Variants in TKT observed in about 807,000 individuals in gnomAD.
TKT encodes the protein transketolase, also known as epididymis luminal protein 107.
Under a neutral mutation model 63.9 loss-of-function variants are expected in TKT, and 47 were observed. The ratio of observed to expected loss-of-function variants is 0.74; its 90% confidence interval spans 0.58 to 0.94. The LOEUF is 0.94. TKT is among the 40% of genes least tolerant of loss of function. The pLI is 0.00. For synonymous variants in TKT, 338 were observed against 334.1 expected (o/e 1.01, Z -0.13); for missense variants, 721 against 846.2 (o/e 0.85, Z 1.84).
chr3:53,250,414 C>T (rs185314816), intron 1 of TKT, among the ~76,000 whole-genome samples: 29 of 152,250 alleles, frequency 1.9e-4, no homozygotes, highest in African/African-American at 6.5e-4. Context: ...GGTGGGACCC[C>T]GGAGCCCACT....
At chr3:53,229,561 A>C in intron 8 of TKT, 125 bp from the exon 9 acceptor site, 1 of 1,103,146 alleles carries the variant, frequency 9.1e-7, no homozygotes, top group Non-Finnish European at 1.3e-6. Flanking sequence ...TGGGCTTCTG[A>C]ATATGTCCCC....
chr3:53,231,669 T>TCCCAGACAGGCAGAG, intron 6 of TKT, 119 bp from the exon 7 acceptor site: 1 of 1,121,780 alleles, frequency 8.9e-7, no homozygotes, highest in Non-Finnish European at 1.3e-6. Flanking sequence ...AATGGCATCA[T>TCCCAGACAGGCAGAG]CCCAGACAGG....
intron 10 of TKT, chr3:53,228,579 T>C (rs1704604838): frequency 5.3e-6 from 3 of 562,140 alleles, no homozygotes; most frequent in Admixed American, 6.1e-5. Context: ...CGAAGGCAAC[T>C]TTCCACCAGG....
intron 1 of TKT, among the ~76,000 whole-genome samples, chr3:53,246,752 G>T (rs1314237393): frequency 2.6e-5 from 4 of 151,944 alleles, no homozygotes; most frequent in African/African-American, 7.3e-5. Context: ...TCGGGAGGCT[G>T]AGACAGGAGA....
Position 53,234,993 on chromosome 3 carries a change from CG to C in TKT, c.618del (p.Cys206TrpfsTer46), listed in dbSNP as rs1347665529. 3 of 1,612,684 alleles carry C rather than the reference CG, an allele frequency of 1.9e-6. No homozygotes were observed. The highest frequency in any genetic ancestry group is 2.5e-6 in the Non-Finnish European group (3 of 1,179,342). On this transcript the variant is annotated frameshift_variant, in exon 5 of 14. Coordinates refer to ENST00000462138, the MANE Select transcript of TKT (RefSeq NM_001064.4). LOFTEE classifies it high-confidence loss of function. The stretch of plus-strand genomic sequence containing the variant: ...CAGCCTCGTACATACCCGAAGGCCT[CG>C]CACCGCTTCTGGTAGATGTCCATCT... ...QHQMDIYQKR[C>X]EAFGWHAIIV...
At chr3:53,255,789 C>CCCCCG in intron 1 of TKT, 47 bp downstream of exon 1, 1 of 1,325,020 alleles carries the variant, frequency 7.5e-7, no homozygotes, top group Non-Finnish European at 9.9e-7. Flanking sequence ...CCGCAGACGC[C>CCCCCG]CCCCGCCCCG....
chr3:53,244,407 GACACAGTGAGATA>G (rs1214187280), intron 1 of TKT, among the ~76,000 whole-genome samples: 1 of 152,138 alleles, frequency 6.6e-6, no homozygotes, highest in Non-Finnish European at 1.5e-5. Context: ...GTGTCTGGGA[GACACAGTGAGATA>G]ACGCAGCATG....
chr3:53,225,756 C>T lies in TKT; in HGVS notation c.1872G>A (p.Ter624=). Residue 624 remains the stop codon, a stop_retained_variant, in exon 14 of 14, where the codon TAG becomes TAA. Transcript: ENST00000462138. ...QAVRGLITKA[*] is the part of the protein sequence containing the mutation. ...CCCCGCCCCACACTTCATACCCGCC[C>T]TAGGCCTTGGTGATGAGGCCCCTCA... 1 of 1,610,150 alleles carries T rather than the reference C, an allele frequency of 6.2e-7. No homozygotes were observed.
In TKT at chr3:53,233,252, C is replaced by A; in HGVS notation, c.652G>T (p.Gly218Ter). Residue 218 changes from glycine (G) to a stop codon, truncating the protein, a stop_gained, in exon 6 of 14, where the codon GGA becomes TGA. Transcript: ENST00000462138. LOFTEE classifies it high-confidence loss of function. ...AFGWHAIIVD[G>*]HSVEELCKAF... ...TTGCACAGCTCCTCCACGCTGTGTC[C>A]ATCCACGATGATGGCATGCCAACTG... 1 of 1,612,118 alleles carries A rather than the reference C, an allele frequency of 6.2e-7. No individual in the cohort carries two copies. The highest frequency in any genetic ancestry group is 8.5e-7 in the Non-Finnish European group (1 of 1,179,110).
At chr3:53,240,229 G>C (rs577059496) in intron 4 of TKT, 22 bp downstream of exon 4, 7 of 1,603,438 alleles carry the variant, frequency 4.4e-6, no homozygotes, top group South Asian at 3.3e-5. Context: ...CCCAGGTTGG[G>C]GGTGGGGAGT....
At chr3:53,239,732 T>G (rs1332405931) in intron 4 of TKT, among the ~76,000 whole-genome samples, 2 of 152,164 alleles carry the variant, frequency 1.3e-5, no homozygotes, top group Non-Finnish European at 2.9e-5. Context: ...GAAGGCTCAA[T>G]CTCTCAAATG....
rs145463432 is a variant in TKT, at chr3:53,227,916, A to G, written c.1573+140T>C. 6,474 of 735,992 alleles carry G rather than the reference A, an allele frequency of 8.8e-3. 330 individuals are homozygous for G. The South Asian group carries it at 0.094, about 11-fold the overall frequency. The allele number at this position is 735,992 out of a possible 1,614,324, so 45.6% of individuals were successfully genotyped here. A position where few individuals can be genotyped will look rare whatever the true frequency, so the allele number is the denominator to read the frequency against. ...TGCTCAAAGGATGGCTATAATTGCT[A>G]TCATTATTTAATGAAATGAAATGCT... On this transcript the variant is annotated intron_variant, in intron 12 of 13. Coordinates refer to ENST00000462138, the MANE Select transcript of TKT (RefSeq NM_001064.4).
intron 1 of TKT, among the ~76,000 whole-genome samples, chr3:53,242,754 TG>T: frequency 1.3e-5 from 2 of 152,150 alleles, no homozygotes; most frequent in Non-Finnish European, 2.9e-5. Context: ...AAGGGCACCC[TG>T]CCCTCTCAGC....
chr3:53,236,651 G>A (rs1474698529), intron 4 of TKT, among the ~76,000 whole-genome samples: 1 of 152,220 alleles, frequency 6.6e-6, no homozygotes, highest in East Asian at 1.9e-4. Context: ...TTCCCAGAAA[G>A]GGATTCCAGG....
rs1704829381 is a variant in TKT, at chr3:53,232,834, G to C, written c.748+322C>G. 1.7e-5 allele frequency: 7 copies of C among 415,656 alleles called. No individual in the cohort carries two copies. The South Asian group carries it at 4.5e-4, about 27-fold the overall frequency. 25.7% of individuals were successfully genotyped at this position (415,656 alleles called of 1,614,324 possible). ...CGGAGCTGGCAGAGCACACACAGCT[G>C]CAGCTCTGAAAGGCACCAGCCAGGG... On this transcript the variant is annotated intron_variant, in intron 6 of 13. Coordinates refer to ENST00000462138, the MANE Select transcript of TKT (RefSeq NM_001064.4).
At position 53,239,144 on chromosome 3, in the gene TKT, A is replaced by G. The variant is rs568513699; in HGVS notation, c.437+1107T>C. Among the ~76,000 whole-genome samples, 15 of 152,232 alleles carry G rather than the reference A, an allele frequency of 9.9e-5. No individual in the cohort carries two copies. In the East Asian group the frequency reaches 1.5e-3, roughly 16 times the overall value. On this transcript the variant is annotated intron_variant, in intron 4 of 13. Coordinates refer to ENST00000462138, the MANE Select transcript of TKT (RefSeq NM_001064.4). ...CTCTCTCTTTGCCTGCGCCTTCCAC[A>G]TAAGATGTGACTTGTTCCTCCTTAC...
intron 1 of TKT, among the ~76,000 whole-genome samples, chr3:53,243,960 C>T (rs896932888): frequency 5.3e-5 from 8 of 152,180 alleles, no homozygotes; most frequent in African/African-American, 1.4e-4. Flanking sequence ...CTCGACACCC[C>T]GGGGTGACAG....
rs782787903 is a variant in TKT, at chr3:53,225,948, G to A, written c.1697-17C>T. Reference sequence around the variant, plus strand: ...CAATGCCACCTAGAAATGAAAGGAGGGGAGTCAGAAGACGAGGCCTCAGGG... The same window carrying A: ...CAATGCCACCTAGAAATGAAAGGAGAGGAGTCAGAAGACGAGGCCTCAGGG... On this transcript the variant is annotated splice_polypyrimidine_tract_variant and intron_variant, in intron 13 of 13. Coordinates refer to ENST00000462138, the MANE Select transcript of TKT (RefSeq NM_001064.4). 1 of 1,598,784 alleles carries A rather than the reference G, an allele frequency of 6.3e-7. No homozygotes were observed. The highest frequency in any genetic ancestry group is 8.5e-7 in the Non-Finnish European group (1 of 1,170,026).
At chr3:53,254,637 A>G (rs1406659822) in intron 1 of TKT, among the ~76,000 whole-genome samples, 8 of 152,216 alleles carry the variant, frequency 5.3e-5, no homozygotes, top group African/African-American at 1.9e-4. Flanking sequence ...CCCTGTCATG[A>G]GCCCGGAGCA....
Sources: gnomAD v4.1 joint callset for allele counts (sites outside exome capture counted in the v4.1 genomes callset) on GRCh38, gnomAD v4.1.1 for gene constraint, MANE v1.5 for transcripts, NCBI Gene and HGNC (gene_info 2026-07-23, HGNC 2026-07-21) for gene names.